Variants in ACOT7 observed in about 807,000 individuals in gnomAD.
ACOT7 encodes the protein cytosolic acyl coenzyme A thioester hydrolase.
ACOT7 carries 12 observed loss-of-function variants against 40.2 expected under a neutral mutation model. The observed-to-expected ratio is 0.30, with a 90% CI of 0.19 to 0.48. The LOEUF is 0.48. Ranked by LOEUF, ACOT7 falls within the 20% of genes least tolerant of loss-of-function variation. ACOT7 has a pLI of 0.99. For synonymous variants in ACOT7, 228 were observed against 219.5 expected (o/e 1.04, Z -0.34); for missense variants, 395 against 530.8 (o/e 0.74, Z 2.51).
chr1:6,372,729 T>C (rs920569970), intron 1 of ACOT7, among the ~76,000 whole-genome samples: 9 of 152,124 alleles, frequency 5.9e-5, no homozygotes, highest in Non-Finnish European at 1.5e-5. Context: ...TTTGTATTTT[T>C]AGTAGAGATG....
intron 8 of ACOT7, among the ~76,000 whole-genome samples, chr1:6,266,770 G>A (rs1240397972): frequency 2.6e-5 from 4 of 152,276 alleles, no homozygotes; most frequent in Non-Finnish European, 4.4e-5. Flanking sequence ...AGGAGCGGCC[G>A]CCCACAGCCT....
intron 5 of ACOT7, among the ~76,000 whole-genome samples, chr1:6,322,055 TC>T (rs1640660350): frequency 6.6e-6 from 1 of 152,132 alleles, no homozygotes; most frequent in African/African-American, 2.4e-5. Flanking sequence ...AGAGCAGGCA[TC>T]CCCTCCCTTG....
At chr1:6,300,478 G>A (rs949548978) in intron 6 of ACOT7, among the ~76,000 whole-genome samples, 3 of 151,302 alleles carry the variant, frequency 2.0e-5, no homozygotes, top group South Asian at 2.1e-4. Flanking sequence ...CCACAAACAC[G>A]GAATCTCACC....
Position 6,350,390 on chromosome 1 carries a change from C to T in ACOT7, c.144-524G>A, listed in dbSNP as rs959911227. On this transcript the variant is annotated intron_variant, in intron 1 of 8. Transcript: ENST00000361521. ...AGCAGGTGAGCGCCTGCCCACTGCG[C>T]GCTAAGCTCCTCTGTGGGTCCCGGG... is the stretch of plus-strand genomic sequence containing the variant. 4.6e-5 allele frequency among the ~76,000 whole-genome samples: 7 copies of T among 152,354 alleles called. No individual in the cohort carries two copies. In the South Asian group the frequency reaches 8.3e-4, roughly 18 times the overall value.
chr1:6,354,370 G>A (rs562645908), intron 1 of ACOT7, among the ~76,000 whole-genome samples: 6 of 152,352 alleles, frequency 3.9e-5, no homozygotes, highest in Admixed American at 2.6e-4. Flanking sequence ...GGGAATGTTC[G>A]GGGCCCAAGG....
At chr1:6,374,447 G>C (rs1010037246) in intron 1 of ACOT7, among the ~76,000 whole-genome samples, 1 of 152,256 alleles carries the variant, frequency 6.6e-6, no homozygotes, top group African/African-American at 2.4e-5. Context: ...TGTCAAGGAG[G>C]ATGCCCTGAA....
intron 8 of ACOT7, among the ~76,000 whole-genome samples, 170 bp from the exon 9 acceptor site, chr1:6,264,865 C>G (rs909026191): frequency 5.8e-5 from 8 of 136,832 alleles, no homozygotes; most frequent in Non-Finnish European, 1.1e-4. Flanking sequence ...GCCGGGTAGC[C>G]CAGGCATGGG....
chr1:6,303,595 A>G (rs1041352348), intron 6 of ACOT7, among the ~76,000 whole-genome samples: 8 of 152,164 alleles, frequency 5.3e-5, no homozygotes, highest in Non-Finnish European at 1.2e-4. Context: ...GCAATCTGAG[A>G]TGCCCCCATT....
chr1:6,277,716 T>C (rs1040590454), intron 8 of ACOT7, among the ~76,000 whole-genome samples: 1 of 152,212 alleles, frequency 6.6e-6, no homozygotes, highest in Non-Finnish European at 1.5e-5. Context: ...GGAAGGAACA[T>C]ATTTAAAATT....
chr1:6,376,127 C>T lies in ACOT7; in HGVS notation c.143+17130G>A, dbSNP rs541682128. ...AAAATTAGCCATGCGTGGTGGCAGG[C>T]GCCTTTAATCCCAGGTACTCAGGAG... On this transcript the variant is annotated intron_variant, in intron 1 of 8. Transcript: ENST00000361521. 6.8e-4 allele frequency among the ~76,000 whole-genome samples: 104 copies of T among 152,026 alleles called. 1 individual carries two copies. In the South Asian group the frequency reaches 0.021, roughly 30 times the overall value.
At chr1:6,315,167 C>T (rs1439505215) in intron 6 of ACOT7, among the ~76,000 whole-genome samples, 1 of 152,186 alleles carries the variant, frequency 6.6e-6, no homozygotes, top group Non-Finnish European at 1.5e-5. Flanking sequence ...TGTGGAAAGT[C>T]CTCAAGACCA....
At chr1:6,335,006 C>T (rs908287267) in intron 3 of ACOT7, among the ~76,000 whole-genome samples, 5 of 150,886 alleles carry the variant, frequency 3.3e-5, no homozygotes, top group Admixed American at 2.6e-4. Flanking sequence ...GGTAACATGG[C>T]GAAACCCCGT....
chr1:6,290,089 G>T (rs1017811544), intron 7 of ACOT7, among the ~76,000 whole-genome samples: 3 of 152,144 alleles, frequency 2.0e-5, no homozygotes, highest in East Asian at 1.9e-4. Context: ...CAGCACGAGG[G>T]GGGGAATGGG....
intron 8 of ACOT7, among the ~76,000 whole-genome samples, chr1:6,280,860 G>A (rs1429267754): frequency 6.6e-6 from 1 of 151,848 alleles, no homozygotes; most frequent in African/African-American, 2.4e-5. Flanking sequence ...CACCCCACGG[G>A]CCCTGGGAGT....
intron 1 of ACOT7, among the ~76,000 whole-genome samples, chr1:6,361,150 A>G (rs1421510017): frequency 1.3e-5 from 2 of 152,232 alleles, no homozygotes; most frequent in Non-Finnish European, 2.9e-5. Context: ...TTATCTGACC[A>G]TAAAAAATGA....
intron 1 of ACOT7, 67 bp downstream of exon 1, chr1:6,393,190 C>T: frequency 1.6e-6 from 2 of 1,217,226 alleles, no homozygotes; most frequent in Middle Eastern, 3.2e-4. Flanking sequence ...CAGAGCCAAG[C>T]GGGGCAGGCC....
In ACOT7 at chr1:6,381,352, GAT is replaced by G. The variant is rs894013628; in HGVS notation, c.143+11903_143+11904del. 4.1e-4 allele frequency among the ~76,000 whole-genome samples: 62 copies of G among 151,712 alleles called. 1 individual carries two copies. The highest frequency in any genetic ancestry group is 1.1e-3 in the Admixed American group (17 of 15,262). On this transcript the variant is annotated intron_variant, in intron 1 of 8. Coordinates refer to ENST00000361521, the MANE Select transcript of ACOT7 (RefSeq NM_007274.4). ...TAATTTTCAGTTTTAAAAAAAACCT[GAT>G]TCAAAAATCAGCAAACAACTTGAGT... is the stretch of plus-strand genomic sequence containing the variant.
chr1:6,314,915 A>G (rs558745610), intron 6 of ACOT7, among the ~76,000 whole-genome samples: 1 of 150,334 alleles, frequency 6.7e-6, no homozygotes, highest in East Asian at 1.9e-4. Context: ...TCAACCCACA[A>G]CTGCACACAC....
intron 1 of ACOT7, among the ~76,000 whole-genome samples, chr1:6,379,562 C>T (rs1642297089): frequency 6.6e-6 from 1 of 151,636 alleles, no homozygotes; most frequent in Non-Finnish European, 1.5e-5. Context: ...TTCCCAGGCT[C>T]AAGCAATCCT....
Sources: allele counts gnomAD v4.1 joint callset (sites outside exome capture counted in the v4.1 genomes callset), GRCh38; gene constraint gnomAD v4.1.1; transcripts MANE v1.5; gene names NCBI Gene and HGNC (gene_info 2026-07-23, HGNC 2026-07-21).